ADGRE2: variants seen among roughly 807,000 people sequenced by gnomAD.
ADGRE2 encodes adhesion G protein-coupled receptor E2, also known as CD97 antigen.
ADGRE2 carries 83 observed loss-of-function variants against 100.8 expected under a neutral mutation model. The observed-to-expected ratio is 0.82, with a 90% CI of 0.69 to 0.99. The LOEUF (loss-of-function observed/expected upper bound fraction) is 0.99, where lower values mean the gene tolerates loss of function less well. Ranked by LOEUF, ADGRE2 falls within the 50% of genes least tolerant of loss-of-function variation. The pLI is 0.00. For missense variants in ADGRE2, 814 were observed against 1,035.7 expected, an observed-to-expected ratio of 0.79 and a Z score of 2.94; for synonymous variants, 355 against 413.0, an observed-to-expected ratio of 0.86 and a Z score of 1.70.
At chr19:14,746,765 GT>G in intron 17 of ADGRE2, 130 bp downstream of exon 17, 2 of 715,136 alleles carry the variant, frequency 2.8e-6, no homozygotes, top group Non-Finnish European at 2.4e-6. Context: ...AGATTCAAGA[GT>G]GGTCTTAGGA....
At chr19:14,774,980 T>A (rs1359176213) in intron 2 of ADGRE2, among the ~76,000 whole-genome samples, 1 of 137,884 alleles carries the variant, frequency 7.3e-6, no homozygotes, top group Non-Finnish European at 1.6e-5. Flanking sequence ...AGCTCAAAAA[T>A]TTTAAAATGA....
chr19:14,744,216 C>A (rs1163980853), intron 18 of ADGRE2, among the ~76,000 whole-genome samples: 1 of 150,218 alleles, frequency 6.7e-6, no homozygotes, highest in Non-Finnish European at 1.5e-5. Context: ...TGCACTCCAG[C>A]CTGGGAGTGA....
intron 17 of ADGRE2, 152 bp from the exon 18 acceptor site, chr19:14,746,475 C>T (rs982837074): frequency 1.7e-5 from 10 of 591,604 alleles, no homozygotes; most frequent in South Asian, 4.0e-5. Flanking sequence ...CGGGTTCGAG[C>T]GATTCTCCTG....
In ADGRE2 at chr19:14,774,992, T is replaced by G. The variant is rs537202801; in HGVS notation, c.32-686A>C. Among the ~76,000 whole-genome samples the G allele has an allele frequency of 2.8e-4, 35 of 125,068 alleles. No individual in the cohort carries two copies. In the Middle Eastern group the frequency reaches 0.018, roughly 64 times the overall value. The allele number at this position is 125,068 out of a possible 152,430, so 82.0% of individuals were successfully genotyped here. On this transcript the variant is annotated intron_variant, in intron 2 of 20. Transcript: ENST00000315576. ...CCCAGCTCAAAAATTTTAAAATGATTTATTTATTTTTATTATTTATTTTTT... is the reference window on the plus strand; with the variant it reads ...CCCAGCTCAAAAATTTTAAAATGATGTATTTATTTTTATTATTTATTTTTT...
intron 11 of ADGRE2, among the ~76,000 whole-genome samples, chr19:14,763,673 C>CCTCCTTCTCTTCTCCTCCTCTT (rs2043815730): frequency 7.7e-6 from 1 of 130,318 alleles, no homozygotes; most frequent in African/African-American, 2.9e-5. Flanking sequence ...CTCCTCCTCT[C>CCTCCTTCTCTTCTCCTCCTCTT]CTCCTTCTCT....
intron 16 of ADGRE2, among the ~76,000 whole-genome samples, chr19:14,750,062 C>T (rs61573836): frequency 2.2e-4 from 3 of 13,548 alleles, no homozygotes; most frequent in African/African-American, 7.5e-4. Context: ...TGTAATTATT[C>T]ATAGTTACAT....
In ADGRE2 at chr19:14,746,940, C is replaced by G. The variant is rs1316719139; in HGVS notation, c.2047G>C (p.Gly683Arg). 1 of 1,613,234 alleles carries G rather than the reference C, an allele frequency of 6.2e-7. No homozygotes were observed. The highest frequency in any genetic ancestry group is 8.5e-7 in the Non-Finnish European group (1 of 1,179,792). ...GGTCCAAGGAAGCCCCATATAAATC[C>G]CTTTTCTGGTTGGAGCCAGCAGCTG... ...PSRCWLQPEK[G>R]FIWGFLGPVC... Residue 683 changes from glycine to arginine, a missense_variant, in exon 17 of 21, where the codon GGA becomes CGA. By Grantham distance (125) the Gly-to-Arg change is moderately radical. Coordinates refer to ENST00000315576, the MANE Select transcript of ADGRE2 (RefSeq NM_013447.4).
At chr19:14,725,977 G>T in the ADGRE2 span, among the ~76,000 whole-genome samples, 17 of 152,178 alleles carry the variant, frequency 1.1e-4, no homozygotes, top group African/African-American at 3.9e-4. Flanking sequence ...TCCTAATAGA[G>T]TTCCTCTGTG....
At chr19:14,761,525 T>C (rs2147349047) in intron 11 of ADGRE2, among the ~76,000 whole-genome samples, 1 of 152,122 alleles carries the variant, frequency 6.6e-6, no homozygotes. Flanking sequence ...TGGGTAAGTC[T>C]TTCCTTTTAA....
In ADGRE2 at chr19:14,746,125, C is replaced by G. The variant is rs1449461901; in HGVS notation, c.2183+107G>C. On this transcript the variant is annotated intron_variant, in intron 18 of 20. Transcript: ENST00000315576. The stretch of plus-strand genomic sequence containing the variant: ...ATGGCTGCGTCTGTTTTTTCTGGGT[C>G]CCTTCAAAAGACCCTGAGAAGGGAC... 4 of 661,682 alleles carry G rather than the reference C, an allele frequency of 6.0e-6. No homozygotes were observed. The African/African-American group carries it at 7.6e-5, about 12-fold the overall frequency. The allele number at this position is 661,682 out of a possible 1,614,324, so 41.0% of individuals were successfully genotyped here. A position where few individuals can be genotyped will look rare whatever the true frequency, so the allele number is the denominator to read the frequency against.
chr19:14,736,703 TATAG>T (rs962257284), intron 20 of ADGRE2, among the ~76,000 whole-genome samples: 8 of 146,268 alleles, frequency 5.5e-5, no homozygotes, highest in South Asian at 2.1e-4. Context: ...TTTAGAAATA[TATAG>T]ATATTTAGAA....
At chr19:14,762,800 C>A (rs901838764) in intron 11 of ADGRE2, among the ~76,000 whole-genome samples, 1 of 151,802 alleles carries the variant, frequency 6.6e-6, no homozygotes, top group East Asian at 1.9e-4. Flanking sequence ...TGCACCACCA[C>A]GCCTGTCTAA....
At chr19:14,753,650 C>T (rs556641209) in intron 14 of ADGRE2, among the ~76,000 whole-genome samples, 45 of 151,940 alleles carry the variant, frequency 3.0e-4, no homozygotes, top group Admixed American at 1.9e-3. Context: ...AAAAATTAGC[C>T]GGGCATGGTG....
rs191295125 is a variant in ADGRE2, at chr19:14,764,396, T to G, written c.1084+37A>C. On this transcript the variant is annotated intron_variant, in intron 11 of 20. Coordinates refer to ENST00000315576, the MANE Select transcript of ADGRE2 (RefSeq NM_013447.4). ...TGGGAAAGGAAGGAGACAGAAAACATGCAGAGCTGGAGTCTGGGGCAGACC... is the reference window on the plus strand; with the variant it reads ...TGGGAAAGGAAGGAGACAGAAAACAGGCAGAGCTGGAGTCTGGGGCAGACC... 24 of 1,606,192 alleles carry G rather than the reference T, an allele frequency of 1.5e-5. No individual in the cohort carries two copies. In the South Asian group the frequency reaches 2.0e-4, roughly 13 times the overall value.
In ADGRE2 at chr19:14,776,824, C is replaced by T. The variant is rs377490907; in HGVS notation, c.-68G>A. 6.2e-6 allele frequency: 10 copies of T among 1,603,852 alleles called. No individual in the cohort carries two copies. The African/African-American group carries it at 6.7e-5, about 11-fold the overall frequency. The stretch of plus-strand genomic sequence containing the variant: ...GAGTGGGACAGGGCTGTCCCGTCTC[C>T]GCAGGCTGGGCAGCTGTGCGGGCTG... On this transcript the variant is annotated 5_prime_UTR_variant, in exon 2 of 21. Transcript: ENST00000315576.
chr19:14,771,371 C>G (rs1365644980), intron 5 of ADGRE2, among the ~76,000 whole-genome samples: 1 of 152,164 alleles, frequency 6.6e-6, no homozygotes, highest in Non-Finnish European at 1.5e-5. Context: ...CCACCTGCTA[C>G]TGGTTCCCAT....
chr19:14,767,269 T>C (rs1468530631), intron 5 of ADGRE2, among the ~76,000 whole-genome samples, 160 bp from the exon 6 acceptor site: 1 of 150,506 alleles, frequency 6.6e-6, no homozygotes, highest in Non-Finnish European at 1.5e-5. Context: ...GACGGAGTCT[T>C]GCTCTGTCAC....
intron 20 of ADGRE2, chr19:14,741,911 T>G: frequency 2.5e-6 from 1 of 398,106 alleles, no homozygotes; most frequent in Non-Finnish European, 4.4e-6. Flanking sequence ...CAGAACTTTG[T>G]ATGTCTACAT....
At chr19:14,756,182 G>T in intron 12 of ADGRE2, 56 bp downstream of exon 12, 1 of 1,257,096 alleles carries the variant, frequency 8.0e-7, no homozygotes, top group Non-Finnish European at 1.2e-6. Flanking sequence ...TCACATTCTT[G>T]GGCATCTTTT....
Sources: allele counts gnomAD v4.1 joint callset (sites outside exome capture counted in the v4.1 genomes callset), GRCh38; gene constraint gnomAD v4.1.1; transcripts MANE v1.5; gene names NCBI Gene and HGNC (gene_info 2026-07-23, HGNC 2026-07-21).